ARAP1: variants seen among roughly 807,000 people sequenced by gnomAD.
The protein encoded by ARAP1 is arf-GAP with Rho-GAP domain, ANK repeat and PH domain-containing protein 1.
A neutral mutation model predicts 172.2 loss-of-function variants in ARAP1; 76 were observed. The observed-to-expected ratio is 0.44, with a 90% CI of 0.37 to 0.53. ARAP1 has a LOEUF of 0.53. Among genes scored for constraint, ARAP1 ranks in the 20% least tolerant of loss-of-function variants. The probability of loss-of-function intolerance (pLI) is 0.00; values close to 1 mark genes in which losing one functional copy is unlikely to be tolerated. For synonymous variants in ARAP1, 804 were observed against 803.3 expected (o/e 1.00, Z -0.01); for missense variants, 1,686 against 1,977.5 (o/e 0.85, Z 2.80).
chr11:72,745,261 T>C (rs529831055), intron 1 of ARAP1, among the ~76,000 whole-genome samples: 2 of 141,394 alleles, frequency 1.4e-5, no homozygotes, highest in East Asian at 4.3e-4. Context: ...CGATCTCGGC[T>C]CACTGCAAGC....
At chr11:72,751,509 C>T (rs544993354) in intron 1 of ARAP1, among the ~76,000 whole-genome samples, 6 of 152,184 alleles carry the variant, frequency 3.9e-5, no homozygotes, top group African/African-American at 7.2e-5. Flanking sequence ...GGGGACTCTC[C>T]GCGAACAGGT....
rs11235578 is a variant in ARAP1, at chr11:72,741,925, G to T, written c.-127-9328C>A. Among the ~76,000 whole-genome samples the T allele has an allele frequency of 0.18, 27,208 of 152,064 alleles. 3,809 individuals are homozygous for T. The highest frequency in any genetic ancestry group is 0.39 in the African/African-American group (16,025 of 41,420). On this transcript the variant is annotated intron_variant, in intron 1 of 34. Coordinates refer to ENST00000393609, the MANE Select transcript of ARAP1 (RefSeq NM_001040118.3). This position sits in a 1 kb window ranked among gnomAD's most constrained non-coding sequence, Gnocchi z 4.5. ...GGGCTCCTCTGTACCCCAGAACTAG[G>T]GGTGCAGGGGAACAGGGACCCAGAC...
At chr11:72,702,821 G>T in intron 15 of ARAP1, 84 bp downstream of exon 15, 2 of 1,484,166 alleles carry the variant, frequency 1.3e-6, no homozygotes, top group South Asian at 1.3e-5. Context: ...GAGGAGCTGC[G>T]ATCACGGCCT....
At chr11:72,701,476 C>G (rs1456400500) in intron 16 of ARAP1, among the ~76,000 whole-genome samples, 173 bp downstream of exon 16, 1 of 152,172 alleles carries the variant, frequency 6.6e-6, no homozygotes, top group Non-Finnish European at 1.5e-5. Flanking sequence ...TGCACTACCC[C>G]CACTCCCACC....
At position 72,686,134 on chromosome 11, in the gene ARAP1, C is replaced by A. The variant is rs1855673295; in HGVS notation, c.4243G>T (p.Val1415Phe). 1.2e-6 allele frequency: 2 copies of A among 1,613,924 alleles called. No individual in the cohort carries two copies. Among genetic ancestry groups the A allele is most frequent in the African/African-American group, 1.3e-5 (1 of 74,928 alleles). Residue 1415 changes from valine (V) to phenylalanine (F), a missense_variant, in exon 34 of 35, where the codon GTC becomes TTC. By Grantham distance (50) the Val-to-Phe change is conservative. Transcript: ENST00000393609. ...ATCAGTGACACACTACCCAGCCGGA[C>A]CTCAGGCACTGCCCGGGACACGCGT... ...PSRVSRAVPE[V>F]RLGSVSLIPL...
At chr11:72,717,554 C>T (rs1474894749) in intron 3 of ARAP1, among the ~76,000 whole-genome samples, 1 of 152,234 alleles carries the variant, frequency 6.6e-6, no homozygotes, top group Non-Finnish European at 1.5e-5. Flanking sequence ...TCCTGATCAA[C>T]TGCGACGGGT....
At chr11:72,696,954 G>C in intron 22 of ARAP1, 29 bp downstream of exon 22, 1 of 1,587,430 alleles carries the variant, frequency 6.3e-7, no homozygotes, top group South Asian at 1.1e-5. Flanking sequence ...TGGAGGAGGA[G>C]GAGGCTGGGC....
Position 72,727,076 on chromosome 11 carries a change from A to G in ARAP1, c.53T>C (p.Leu18Ser). The change falls in exon 3 of 35, where the codon TTG (leucine) becomes TCG (serine). Residue 18 changes from leucine (L) to serine (S), a missense_variant. By Grantham distance (145) the Leu-to-Ser change is moderately radical. This residue lies in a region of ARAP1 where 190 missense variants were observed against 228.6 expected (regional missense o/e 0.83). Coordinates refer to ENST00000393609, the MANE Select transcript of ARAP1 (RefSeq NM_001040118.3). The stretch of plus-strand genomic sequence containing the variant: ...GAGCCCCGTGTACTGCTCCAGGTGC[A>G]ATGCCCGCAGCCACTCGGCCACCGA... ...ALSVAEWLRA[L>S]HLEQYTGLFE... 6.3e-7 allele frequency: 1 copy of G among 1,599,246 alleles called. No individual in the cohort carries two copies.
chr11:72,713,112 C>G, intron 5 of ARAP1, 64 bp downstream of exon 5: 1 of 1,542,938 alleles, frequency 6.5e-7, no homozygotes, highest in Non-Finnish European at 8.9e-7. Context: ...TCCTCAGGGT[C>G]TGACAGGCAG....
intron 1 of ARAP1, among the ~76,000 whole-genome samples, chr11:72,744,844 G>A (rs1392941941): frequency 1.3e-5 from 2 of 152,168 alleles, no homozygotes; most frequent in Non-Finnish European, 1.5e-5. Flanking sequence ...CATGTCCGTG[G>A]AACAGAAACT....
intron 5 of ARAP1, chr11:72,712,966 G>A (rs982451181): frequency 3.1e-5 from 19 of 618,886 alleles, no homozygotes; most frequent in Non-Finnish European, 5.1e-5. Flanking sequence ...AGGGCCTGGG[G>A]GAGCCACACC....
rs138555715 is a variant in ARAP1 at position 72,748,284 on chromosome 11, G to C, written c.-128+4044C>G. Among the ~76,000 whole-genome samples the C allele has an allele frequency of 3.9e-3, 592 of 152,290 alleles. 3 individuals carry two copies. Among genetic ancestry groups the C allele is most frequent in the African/African-American group, 0.014 (565 of 41,554 alleles). On this transcript the variant is annotated intron_variant, in intron 1 of 34. Coordinates refer to ENST00000393609, the MANE Select transcript of ARAP1 (RefSeq NM_001040118.3). ...CACCTGTAATCCCAGCACTTTGGGA[G>C]GCCAAGGCGGGCGGATCACGAGGTC... is the stretch of plus-strand genomic sequence containing the variant.
At chr11:72,707,587 G>A (rs949479271) in intron 11 of ARAP1, among the ~76,000 whole-genome samples, 3 of 152,206 alleles carry the variant, frequency 2.0e-5, no homozygotes, top group African/African-American at 4.8e-5. Flanking sequence ...CCAGTGGGGG[G>A]CTCTGCCCAG....
chr11:72,714,227 GC>G lies in ARAP1; in HGVS notation c.603del (p.Pro202LeufsTer44). ...GGAGGTGGAGAGGGAGGCTGGGGAG[GC>G]CCCTGGGGGAGGGTGGACAGGGGCT... ...SEEPLSTLPQ[G>X]PPQPPSPPPC... On this transcript the variant is annotated frameshift_variant, in exon 4 of 35. Transcript: ENST00000393609. LOFTEE classifies it high-confidence loss of function. 6.6e-7 allele frequency: 1 copy of G among 1,521,404 alleles called. No homozygotes were observed. Among genetic ancestry groups the G allele is most frequent in the Non-Finnish European group, 8.8e-7 (1 of 1,138,262 alleles). 94.2% of individuals were successfully genotyped at this position (1,521,404 alleles called of 1,614,324 possible).
At chr11:72,724,947 C>T (rs1204076162) in intron 3 of ARAP1, among the ~76,000 whole-genome samples, 1 of 152,152 alleles carries the variant, frequency 6.6e-6, no homozygotes, top group African/African-American at 2.4e-5. Flanking sequence ...CATTGGTACC[C>T]TGGAGCCCTG....
rs762367768 is a variant in ARAP1 at position 72,702,898 on chromosome 11, C to T, written c.2167+7G>A. 53 of 1,552,226 alleles carry T rather than the reference C, an allele frequency of 3.4e-5. No homozygotes were observed. The East Asian group carries it at 8.8e-4, about 26-fold the overall frequency. On this transcript the variant is annotated splice_region_variant and intron_variant, in intron 15 of 34. Transcript: ENST00000393609. ...CCTGGTGGACCCCCACCCTCTGCCACGCTCACCTGTGGTCCGGTTGTTCCG... is the reference window on the plus strand; with the variant it reads ...CCTGGTGGACCCCCACCCTCTGCCATGCTCACCTGTGGTCCGGTTGTTCCG...
Position 72,699,558 on chromosome 11 carries a change from G to T in ARAP1, c.2303-6C>A. ...ACACCAGCGCCGGCTGAACTCTGGG[G>T]AGAATTTGGGCAGGGGAGCCATCAG... is the stretch of plus-strand genomic sequence containing the variant. On this transcript the variant is annotated splice_polypyrimidine_tract_variant and splice_region_variant and intron_variant, in intron 16 of 34. Coordinates refer to ENST00000393609, the MANE Select transcript of ARAP1 (RefSeq NM_001040118.3). The surrounding 1 kb of genome is among the most constrained non-coding windows in gnomAD (Gnocchi z 4.2). 1 of 1,610,572 alleles carries T rather than the reference G, an allele frequency of 6.2e-7. No homozygotes were observed. Among genetic ancestry groups the T allele is most frequent in the East Asian group, 2.2e-5 (1 of 44,744 alleles).
intron 4 of ARAP1, among the ~76,000 whole-genome samples, chr11:72,713,714 G>A (rs1021099014): frequency 6.6e-6 from 1 of 152,082 alleles, no homozygotes; most frequent in Non-Finnish European, 1.5e-5. Context: ...AGGTATGGTG[G>A]CGGGCGCCTG....
rs755956319 is a variant in ARAP1, at chr11:72,713,223, C to T, written c.700G>A (p.Val234Ile). Residue 234 changes from valine to isoleucine, a missense_variant, in exon 5 of 35, where the codon GTC becomes ATC. Physicochemically the swap from Val to Ile is conservative, Grantham distance 29. Around this residue, in one of 5 missense-constraint regions of ARAP1, gnomAD observed 155 missense variants for 129.2 expected, o/e 1.20. Coordinates refer to ENST00000393609, the MANE Select transcript of ARAP1 (RefSeq NM_001040118.3). ...PEFDDSDYDE[V>I]PEEGPGAPAR... is the part of the protein sequence containing the mutation. The stretch of plus-strand genomic sequence containing the variant: ...GGGGCCCCCGGCCCCTCCTCTGGGA[C>T]CTCATCGTAGTCAGAGTCATCTGGT... 7.4e-6 allele frequency: 12 copies of T among 1,614,028 alleles called. No homozygotes were observed. The South Asian group carries it at 1.3e-4, about 18-fold the overall frequency.
Sources: gnomAD v4.1 joint callset for allele counts (sites outside exome capture counted in the v4.1 genomes callset) on GRCh38, gnomAD v4.1.1 for gene constraint, gnomAD v4.1.1 regional missense constraint, Gnocchi (gnomAD v3.1) non-coding constraint, MANE v1.5 for transcripts, NCBI Gene and HGNC (gene_info 2026-07-23, HGNC 2026-07-21) for gene names.